The following HS3ST1 variants were observed in gnomAD, a reference collection of about 807,000 sequenced individuals.
HS3ST1 encodes the protein heparan sulfate-glucosamine 3-sulfotransferase 1.
A neutral mutation model predicts 20.7 loss-of-function variants in HS3ST1; 8 were observed. The ratio of observed to expected loss-of-function variants is 0.39; its 90% CI spans 0.23 to 0.70. HS3ST1 has a LOEUF of 0.70. Ranked by LOEUF, HS3ST1 falls within the 30% of genes least tolerant of loss-of-function variation. The pLI, the probability that HS3ST1 is intolerant of heterozygous loss-of-function variation, is 0.46. For missense variants in HS3ST1, 436 were observed against 423.4 expected (o/e 1.03, Z -0.26); for synonymous variants, 205 against 190.4 (o/e 1.08, Z -0.63).
At chr4:11,403,057 G>A (rs996166190) in intron 1 of HS3ST1, among the ~76,000 whole-genome samples, 21 of 152,246 alleles carry the variant, frequency 1.4e-4, no homozygotes, top group Middle Eastern at 3.4e-3. Flanking sequence ...ATTAGCTAAT[G>A]TCTTATATAC....
At chr4:11,424,479 G>A (rs952913741) in intron 1 of HS3ST1, among the ~76,000 whole-genome samples, 5 of 152,200 alleles carry the variant, frequency 3.3e-5, no homozygotes, top group African/African-American at 1.2e-4. Context: ...GATGAATGGG[G>A]AGAAGCTGTA....
intron 1 of HS3ST1, 118 bp from the exon 2 acceptor site, chr4:11,400,231 TTATCC>T: frequency 1.2e-6 from 1 of 865,684 alleles, no homozygotes; most frequent in Non-Finnish European, 1.6e-6. Flanking sequence ...TCTCAGTTTC[TTATCC>T]TATACAGGAG....
rs200959205 is a variant in HS3ST1 at position 11,399,557 on chromosome 4, G to A, written c.449C>T (p.Ser150Leu). The change falls in exon 2 of 2, where the codon TCG becomes TTG. Residue 150 changes from serine (S) to leucine (L), a missense_variant. Transcript: ENST00000002596. The surrounding 1 kb of genome is among the most constrained non-coding windows in gnomAD (Gnocchi z 5.1). The part of the protein sequence containing the change: ...IRLLLILRDP[S>L]ERVLSDYTQV... ...GGTGTAGTCAGATAGCACGCGCTCCGACGGGTCTCGCAGGATGAGCAGCAG... is the reference window on the plus strand; with the variant it reads ...GGTGTAGTCAGATAGCACGCGCTCCAACGGGTCTCGCAGGATGAGCAGCAG... The A allele has an allele frequency of 8.1e-6, 13 of 1,613,828 alleles. No individual in the cohort carries two copies. The highest frequency in any genetic ancestry group is 3.3e-5 in the Admixed American group (2 of 60,014).
intron 1 of HS3ST1, among the ~76,000 whole-genome samples, chr4:11,424,143 G>T (rs965335396): frequency 3.0e-4 from 45 of 151,822 alleles, no homozygotes; most frequent in Non-Finnish European, 5.9e-5. Context: ...ACTTACCCAG[G>T]CACAGGGCCC....
intron 1 of HS3ST1, among the ~76,000 whole-genome samples, chr4:11,405,519 C>T (rs1320627804): frequency 6.6e-6 from 1 of 152,148 alleles, no homozygotes; most frequent in Non-Finnish European, 1.5e-5. Context: ...TCGGGCCTGG[C>T]ATGATTTCTG....
At chr4:11,403,019 A>G (rs1298554289) in intron 1 of HS3ST1, among the ~76,000 whole-genome samples, 1 of 152,224 alleles carries the variant, frequency 6.6e-6, no homozygotes, top group East Asian at 1.9e-4. Context: ...TTTTCATTCA[A>G]AAATATTTGA....
At chr4:11,416,650 GAGT>G in intron 1 of HS3ST1, among the ~76,000 whole-genome samples, 1 of 152,326 alleles carries the variant, frequency 6.6e-6, no homozygotes, top group Admixed American at 6.5e-5. Flanking sequence ...GTACTCTCCG[GAGT>G]AGTGCCAGTC....
At chr4:11,409,667 T>G (rs1006839456) in intron 1 of HS3ST1, among the ~76,000 whole-genome samples, 5 of 152,216 alleles carry the variant, frequency 3.3e-5, no homozygotes, top group African/African-American at 1.2e-4. Context: ...AAACCATCCA[T>G]TGCAAGGTAT....
intron 1 of HS3ST1, among the ~76,000 whole-genome samples, chr4:11,408,441 C>T (rs1718528714): frequency 6.6e-6 from 1 of 152,122 alleles, no homozygotes; most frequent in Non-Finnish European, 1.5e-5. Flanking sequence ...CTCAACCAGA[C>T]AGAAGCTCAA....
intron 1 of HS3ST1, among the ~76,000 whole-genome samples, chr4:11,421,600 A>T (rs1400040418): frequency 6.6e-6 from 1 of 152,232 alleles, no homozygotes; most frequent in African/African-American, 2.4e-5. Context: ...GAGTGAAGAC[A>T]TTTACATAAA....
At position 11,395,480 on chromosome 4, in the gene HS3ST1, T is replaced by A. The variant is rs1487528248; in HGVS notation, c.*3602A>T. On this transcript the variant is annotated 3_prime_UTR_variant, in exon 2 of 2. Transcript: ENST00000002596. ...TTTTTATTATTAATTTATCTTTTTT[T>A]TTTTTTTTTTTTTTTGAGATGGAGT... is the stretch of plus-strand genomic sequence containing the variant. 1 of 138,436 alleles carries A rather than the reference T, an allele frequency of 7.2e-6. No homozygotes were observed. Among genetic ancestry groups the A allele is most frequent in the East Asian group, 2.1e-4 (1 of 4,878 alleles). The allele number at this position is 138,436 out of a possible 1,614,324, so 8.6% of individuals were successfully genotyped here. A position where few individuals can be genotyped will look rare whatever the true frequency, so the allele number is the denominator to read the frequency against.
intron 1 of HS3ST1, among the ~76,000 whole-genome samples, chr4:11,428,124 T>C (rs1200026204): frequency 2.0e-5 from 3 of 152,206 alleles, no homozygotes; most frequent in African/African-American, 7.2e-5. Context: ...CTCATGTAAT[T>C]GGCATTAGGG....
In HS3ST1 at chr4:11,428,699, C is replaced by T. The variant is rs997181962; in HGVS notation, c.-109G>A. On this transcript the variant is annotated splice_region_variant and 5_prime_UTR_variant, in exon 1 of 2. Coordinates refer to ENST00000002596, the MANE Select transcript of HS3ST1 (RefSeq NM_005114.4). ...CCCACCCCGCGCGCGCCGCACTCAC[C>T]TGAGCCGCGCCTCTGTCCAGCCCGT... The T allele has an allele frequency of 3.3e-5, 5 of 153,022 alleles. No homozygotes were observed. The highest frequency in any genetic ancestry group is 1.2e-4 in the African/African-American group (5 of 41,480). 9.5% of individuals were successfully genotyped at this position (153,022 alleles called of 1,614,324 possible).
chr4:11,414,011 A>G (rs992264585), intron 1 of HS3ST1: 2 of 152,184 alleles, frequency 1.3e-5, no homozygotes, highest in African/African-American at 4.8e-5. Flanking sequence ...GACTAGCAGG[A>G]GGATGCATGA....
intron 1 of HS3ST1, among the ~76,000 whole-genome samples, chr4:11,406,444 C>A (rs954585824): frequency 6.6e-6 from 1 of 152,008 alleles, no homozygotes; most frequent in African/African-American, 2.4e-5. Context: ...ATAAGATGAC[C>A]CATGCCAAAT....
At chr4:11,417,834 A>T (rs186779199) in intron 1 of HS3ST1, among the ~76,000 whole-genome samples, 48 of 152,374 alleles carry the variant, frequency 3.2e-4, no homozygotes, top group African/African-American at 1.1e-3. Flanking sequence ...AAGACAAGTG[A>T]TGAAGCTGAG....
chr4:11,409,485 A>G (rs1180897621), intron 1 of HS3ST1, among the ~76,000 whole-genome samples: 1 of 152,178 alleles, frequency 6.6e-6, no homozygotes, highest in African/African-American at 2.4e-5. Flanking sequence ...AGAGGAAGAT[A>G]AAACAGAGCT....
chr4:11,410,947 A>T (rs1718613759), intron 1 of HS3ST1, among the ~76,000 whole-genome samples: 1 of 152,154 alleles, frequency 6.6e-6, no homozygotes. Context: ...TAGCCCTGGC[A>T]TTGGGATGAA....
intron 1 of HS3ST1, among the ~76,000 whole-genome samples, chr4:11,425,346 C>A (rs1312006616): frequency 6.6e-6 from 1 of 152,152 alleles, no homozygotes; most frequent in Non-Finnish European, 1.5e-5. Flanking sequence ...AGTCACTCCC[C>A]ATTTGTGACT....
Sources: gnomAD v4.1 joint callset for allele counts (sites outside exome capture counted in the v4.1 genomes callset) on GRCh38, gnomAD v4.1.1 for gene constraint, Gnocchi (gnomAD v3.1) non-coding constraint, MANE v1.5 for transcripts, NCBI Gene and HGNC (gene_info 2026-07-23, HGNC 2026-07-21) for gene names.